Variants in GRIP1 observed in about 807,000 individuals in gnomAD.
The protein encoded by GRIP1 is glutamate receptor interacting protein 1.
A neutral mutation model predicts 129.9 loss-of-function variants in GRIP1; 45 were observed. That is an observed-to-expected ratio of 0.35 (90% CI 0.27 to 0.44). The LOEUF (loss-of-function observed/expected upper bound fraction) is 0.44. Ranked by LOEUF, GRIP1 falls within the 20% of genes least tolerant of loss-of-function variation. GRIP1 has a pLI of 1.00. For synonymous variants in GRIP1, 530 were observed against 520.8 expected (o/e 1.02, Z -0.24); for missense variants, 1,196 against 1,396.8 (o/e 0.86, Z 2.29).
intron 1 of GRIP1, among the ~76,000 whole-genome samples, chr12:66,612,529 T>C (rs2064849834): frequency 6.6e-6 from 1 of 151,990 alleles, no homozygotes; most frequent in Non-Finnish European, 1.5e-5. Context: ...CTCAGCTACT[T>C]GGGAAGCTGT....
intron 1 of GRIP1, among the ~76,000 whole-genome samples, chr12:66,644,491 C>G (rs969695348): frequency 6.6e-6 from 1 of 152,118 alleles, no homozygotes. Context: ...CTTTCTACCA[C>G]CAAACCTCAA....
intron 15 of GRIP1, among the ~76,000 whole-genome samples, chr12:66,411,359 A>G (rs1429113450): frequency 1.3e-5 from 2 of 152,190 alleles, no homozygotes; most frequent in Non-Finnish European, 2.9e-5. Context: ...GTAGACCCCC[A>G]GCAAACCACA....
chr12:66,519,211 A>T (rs11176243), intron 5 of GRIP1, among the ~76,000 whole-genome samples: 13,303 of 152,242 alleles, frequency 0.087, 635 homozygotes, highest in Admixed American at 0.15. Context: ...TTCTACGACA[A>T]GTGATTTGTT....
At chr12:66,891,857 T>C (rs1379810736) in intron 1 of GRIP1, 2 of 152,184 alleles carry the variant, frequency 1.3e-5, no homozygotes, top group East Asian at 1.9e-4. Context: ...AATTCCACCA[T>C]GTTTCCTGAG....
chr12:66,705,844 G>A lies in GRIP1; in HGVS notation c.-419-75508C>T, dbSNP rs1347043067. 1.4e-4 allele frequency among the ~76,000 whole-genome samples: 21 copies of A among 152,100 alleles called. 1 individual carries two copies. Among genetic ancestry groups the A allele is most frequent in the Admixed American group, 1.4e-3 (21 of 15,270 alleles). On this transcript the variant is annotated intron_variant, in intron 1 of 4. Transcript: ENST00000538373. ...TCAGTAAATGGTGTTAGGAAAACTG[G>A]CTAGCCATATGCGGAAAACTGAAAC...
chr12:66,430,970 G>A (rs2058130382), intron 14 of GRIP1, among the ~76,000 whole-genome samples: 1 of 152,132 alleles, frequency 6.6e-6, no homozygotes, highest in South Asian at 2.1e-4. Flanking sequence ...GGAAGTGGGG[G>A]CAGGGTTTCT....
chr12:66,657,343 C>T (rs1220326250), intron 1 of GRIP1, among the ~76,000 whole-genome samples: 1 of 152,154 alleles, frequency 6.6e-6, no homozygotes, highest in Non-Finnish European at 1.5e-5. Flanking sequence ...GGTTGAACCA[C>T]TTCTGACTTT....
intron 1 of GRIP1, among the ~76,000 whole-genome samples, chr12:66,722,842 T>A (rs2036100691): frequency 6.6e-6 from 1 of 152,206 alleles, no homozygotes; most frequent in Non-Finnish European, 1.5e-5. Context: ...TACACTAAAA[T>A]GGTAAAACTA....
intron 1 of GRIP1, among the ~76,000 whole-genome samples, chr12:66,692,947 A>G (rs1270036923): frequency 2.0e-5 from 3 of 152,204 alleles, no homozygotes; most frequent in African/African-American, 7.2e-5. Context: ...AGTACCTAAC[A>G]TATAACAAAT....
chr12:66,782,690 T>C (rs1256887187), intron 1 of GRIP1, among the ~76,000 whole-genome samples: 2 of 152,208 alleles, frequency 1.3e-5, no homozygotes, highest in Non-Finnish European at 2.9e-5. Flanking sequence ...GTGACAAAGC[T>C]GGGATCAGAA....
intron 1 of GRIP1, chr12:67,035,620 A>G (rs939874826): frequency 5.3e-5 from 8 of 152,178 alleles, no homozygotes; most frequent in Non-Finnish European, 1.0e-4. Context: ...CGTTTGCAGG[A>G]AAATGTGATT....
At chr12:66,591,678 G>A (rs1426456737) in intron 2 of GRIP1, among the ~76,000 whole-genome samples, 3 of 151,988 alleles carry the variant, frequency 2.0e-5, no homozygotes, top group Non-Finnish European at 4.4e-5. Flanking sequence ...CACCCAGGCT[G>A]GAGAACAGTG....
intron 2 of GRIP1, among the ~76,000 whole-genome samples, chr12:66,562,574 T>C (rs1853985896): frequency 6.6e-6 from 1 of 152,166 alleles, no homozygotes; most frequent in African/African-American, 2.4e-5. Context: ...ACCGTAACAT[T>C]TCCCAACACG....
intron 1 of GRIP1, among the ~76,000 whole-genome samples, chr12:66,785,443 T>C (rs1165437424): frequency 1.3e-5 from 2 of 149,750 alleles, no homozygotes; most frequent in African/African-American, 4.9e-5. Flanking sequence ...GCCTGGGGGA[T>C]GGAAGCTGTG....
chr12:66,361,960 A>G (rs1422848928), intron 23 of GRIP1, among the ~76,000 whole-genome samples: 1 of 152,006 alleles, frequency 6.6e-6, no homozygotes, highest in Non-Finnish European at 1.5e-5. Flanking sequence ...AGAAAGGATG[A>G]CAAGTTGCAA....
chr12:66,818,480 A>G (rs2039263382), intron 1 of GRIP1, among the ~76,000 whole-genome samples: 1 of 152,180 alleles, frequency 6.6e-6, no homozygotes, highest in South Asian at 2.1e-4. Flanking sequence ...CTGAATAACT[A>G]CAATTTGCCT....
At chr12:67,066,719 A>C (rs1234014541) in intron 1 of GRIP1, among the ~76,000 whole-genome samples, 1 of 151,866 alleles carries the variant, frequency 6.6e-6, no homozygotes, top group Non-Finnish European at 1.5e-5. Context: ...ATCACTTAGA[A>C]TTTCAAGGGT....
intron 1 of GRIP1, among the ~76,000 whole-genome samples, chr12:66,715,471 T>TGA (rs71447469): frequency 0.027 from 2,963 of 110,044 alleles, 59 homozygotes; most frequent in Non-Finnish European, 0.041. Flanking sequence ...TGTGTGTGTG[T>TGA]GAGAGAGAGA....
chr12:66,775,112 A>C (rs1566015951), intron 1 of GRIP1, among the ~76,000 whole-genome samples: 1 of 152,216 alleles, frequency 6.6e-6, no homozygotes, highest in Middle Eastern at 3.2e-3. Context: ...AAATGATGGA[A>C]TGTGAAATTA....
Sources: allele counts gnomAD v4.1 joint callset (sites outside exome capture counted in the v4.1 genomes callset), GRCh38; gene constraint gnomAD v4.1.1; transcripts MANE v1.5; gene names NCBI Gene and HGNC (gene_info 2026-07-23, HGNC 2026-07-21).